The following RIDA variants were observed in gnomAD, a reference collection of about 807,000 sequenced individuals.
RIDA encodes the protein reactive intermediate imine deaminase A.
A neutral mutation model predicts 17.8 loss-of-function variants in RIDA; 17 were observed. The observed-to-expected ratio is 0.96, with a 90% CI of 0.65 to 1.43. The LOEUF (loss-of-function observed/expected upper bound fraction) is 1.43. Among genes scored for constraint, RIDA ranks in the 40% most tolerant of loss-of-function variants. The pLI is 0.00. For synonymous variants in RIDA, 48 were observed against 55.7 expected (o/e 0.86, Z 0.62); for missense variants, 158 against 161.7 (o/e 0.98, Z 0.12).
intron 1 of RIDA, 65 bp from the exon 2 acceptor site, chr8:98,108,816 C>A (rs1554622660): frequency 1.0e-6 from 1 of 956,554 alleles, no homozygotes; most frequent in Non-Finnish European, 1.7e-6. Flanking sequence ...TGCTAGAAGA[C>A]TTTTTTGATA....
At position 98,117,103 on chromosome 8, in the gene RIDA, G is replaced by C; in HGVS notation, c.-7C>G. The C allele has an allele frequency of 6.2e-7, 1 of 1,614,042 alleles. No homozygotes were observed. Among genetic ancestry groups the C allele is most frequent in the South Asian group, 1.1e-5 (1 of 91,090 alleles). On this transcript the variant is annotated 5_prime_UTR_variant, in exon 1 of 6. Coordinates refer to ENST00000254878, the MANE Select transcript of RIDA (RefSeq NM_005836.3). ...TTCTGATCAAGGACGACATGGCTAA[G>C]CCTTCCCTCTTGCAGCCCCTTCAGG...
At chr8:98,115,030 A>G (rs564520105) in intron 1 of RIDA, among the ~76,000 whole-genome samples, 2 of 152,232 alleles carry the variant, frequency 1.3e-5, no homozygotes, top group South Asian at 4.1e-4. Flanking sequence ...TTTTGCACAC[A>G]TCAGTTTCTT....
At position 98,104,529 on chromosome 8, in the gene RIDA, A is replaced by G; in HGVS notation, c.311T>C (p.Phe104Ser). ...EIYKQYFKSN[F>S]PARAAYQVAA... ...AACTTGGTAAGCAGCTCTAGCAGGA[A>G]AATTACTCTTGAAATCTGAATTTAA... Residue 104 changes from phenylalanine (F) to serine (S), a missense_variant, in exon 5 of 6, where the codon TTT (phenylalanine) becomes TCT (serine). Coordinates refer to ENST00000254878, the MANE Select transcript of RIDA (RefSeq NM_005836.3). 2 of 1,588,394 alleles carry G rather than the reference A, an allele frequency of 1.3e-6. No individual in the cohort carries two copies. The highest frequency in any genetic ancestry group is 1.7e-6 in the Non-Finnish European group (2 of 1,157,738).
At chr8:98,109,147 G>C (rs540122671) in intron 1 of RIDA, among the ~76,000 whole-genome samples, 6 of 152,088 alleles carry the variant, frequency 3.9e-5, no homozygotes, top group Non-Finnish European at 8.8e-5. Context: ...TGAGCCATGA[G>C]TATACCACTG....
chr8:98,109,801 G>A (rs1815693614), intron 1 of RIDA, among the ~76,000 whole-genome samples: 1 of 152,064 alleles, frequency 6.6e-6, no homozygotes, highest in Admixed American at 6.6e-5. Context: ...ATTTTTTGTA[G>A]AGATGAGGTC....
rs73701250 is a variant in RIDA at position 98,102,540 on chromosome 8, G to A, written c.*302C>T. 14,894 of 220,866 alleles carry A rather than the reference G, an allele frequency of 0.067. 619 individuals carry two copies. Among genetic ancestry groups the A allele is most frequent in the Middle Eastern group, 0.18 (114 of 624 alleles). The allele number at this position is 220,866 out of a possible 1,614,324, so 13.7% of individuals were successfully genotyped here. A position where few individuals can be genotyped will look rare whatever the true frequency, so the allele number is the denominator to read the frequency against. ...TGTTCTTGATTATTTCTCAGGAATA[G>A]TAACTCTTCTTTCCTACCTGGTATT... On this transcript the variant is annotated 3_prime_UTR_variant, in exon 6 of 6. Coordinates refer to ENST00000254878, the MANE Select transcript of RIDA (RefSeq NM_005836.3).
chr8:98,109,235 C>T (rs1287519687), intron 1 of RIDA, among the ~76,000 whole-genome samples: 1 of 152,002 alleles, frequency 6.6e-6, no homozygotes, highest in Non-Finnish European at 1.5e-5. Context: ...AAAGGCAAGT[C>T]ATAGATTGGG....
intron 1 of RIDA, among the ~76,000 whole-genome samples, chr8:98,111,633 G>T (rs1026556445): frequency 1.0e-4 from 15 of 149,830 alleles, no homozygotes; most frequent in African/African-American, 3.2e-4. Context: ...AGTGAAATTT[G>T]TTTTAAAATT....
chr8:98,116,939 T>A, intron 1 of RIDA, 93 bp downstream of exon 1: 1 of 1,010,182 alleles, frequency 9.9e-7, no homozygotes, highest in Non-Finnish European at 1.5e-6. Flanking sequence ...TTTCCTTGCG[T>A]GTTAGCTGGG....
intron 1 of RIDA, among the ~76,000 whole-genome samples, chr8:98,109,307 T>A (rs760574222): frequency 6.6e-6 from 1 of 151,876 alleles, no homozygotes; most frequent in Non-Finnish European, 1.5e-5. Context: ...TAAGAAGAAC[T>A]CTTAAAAGTC....
intron 1 of RIDA, among the ~76,000 whole-genome samples, chr8:98,112,094 AT>A (rs897677730): frequency 2.0e-5 from 3 of 151,370 alleles, no homozygotes; most frequent in South Asian, 2.1e-4. Context: ...GTGCTTCCTC[AT>A]TTTTTTTAAC....
At chr8:98,104,260 T>G (rs1188016283) in intron 5 of RIDA, among the ~76,000 whole-genome samples, 2 of 152,050 alleles carry the variant, frequency 1.3e-5, no homozygotes, top group Non-Finnish European at 2.9e-5. Context: ...AATTTTAAAT[T>G]GTTTTTGTAG....
Position 98,115,554 on chromosome 8 carries a change from C to CT in RIDA, c.65+1477dup, listed in dbSNP as rs61291894. On this transcript the variant is annotated intron_variant, in intron 1 of 5. Coordinates refer to ENST00000254878, the MANE Select transcript of RIDA (RefSeq NM_005836.3). The stretch of plus-strand genomic sequence containing the variant: ...CATCACTTGAAAGTTTTTAATTAAA[C>CT]TTTTTTTTTTTTTTAAATAGAGATG... Among the ~76,000 whole-genome samples the CT allele has an allele frequency of 4.1e-3, 605 of 147,262 alleles. 4 individuals are homozygous for CT. The highest frequency in any genetic ancestry group is 0.013 in the African/African-American group (509 of 39,948).
chr8:98,113,916 T>TCAGAA (rs2130557011), intron 1 of RIDA: 1 of 152,348 alleles, frequency 6.6e-6, no homozygotes, highest in South Asian at 2.1e-4. Context: ...CTCACTTTCT[T>TCAGAA]TACCTCCAAA....
In RIDA at chr8:98,106,008, T is replaced by A; in HGVS notation, c.227-2A>T. 6.3e-7 allele frequency: 1 copy of A among 1,591,724 alleles called. No individual in the cohort carries two copies. Among genetic ancestry groups the A allele is most frequent in the Non-Finnish European group, 8.6e-7 (1 of 1,159,900 alleles). Reference sequence around the variant, plus strand: ...CCAGAAGAACAGTTGTTTTCACCACTAGAAGATATAAACATTGTCATTAGG... The same window carrying A: ...CCAGAAGAACAGTTGTTTTCACCACAAGAAGATATAAACATTGTCATTAGG... On this transcript the variant is annotated splice_acceptor_variant, in intron 3 of 5. Transcript: ENST00000254878. LOFTEE classifies it high-confidence loss of function.
At chr8:98,103,300 G>A (rs1375443960) in intron 5 of RIDA, among the ~76,000 whole-genome samples, 1 of 152,166 alleles carries the variant, frequency 6.6e-6, no homozygotes, top group African/African-American at 2.4e-5. Flanking sequence ...GTTTGATAAT[G>A]ATCATTCCAA....
At chr8:98,110,104 C>T (rs1815702950) in intron 1 of RIDA, among the ~76,000 whole-genome samples, 1 of 152,172 alleles carries the variant, frequency 6.6e-6, no homozygotes, top group Non-Finnish European at 1.5e-5. Context: ...AAAATAGCAG[C>T]AGCAGATTAT....
intron 1 of RIDA, among the ~76,000 whole-genome samples, chr8:98,109,023 T>C (rs1181399829): frequency 6.6e-6 from 1 of 151,886 alleles, no homozygotes; most frequent in Non-Finnish European, 1.5e-5. Context: ...AACCACTCAG[T>C]CTCTACAAAA....
At chr8:98,111,020 C>G (rs113723680) in intron 1 of RIDA, among the ~76,000 whole-genome samples, 3,317 of 152,282 alleles carry the variant, frequency 0.022, 52 homozygotes, top group Middle Eastern at 0.088. Context: ...AACAGTGAGT[C>G]AATTAAGCCT....
Sources: allele counts gnomAD v4.1 joint callset (sites outside exome capture counted in the v4.1 genomes callset), GRCh38; gene constraint gnomAD v4.1.1; transcripts MANE v1.5; gene names NCBI Gene and HGNC (gene_info 2026-07-23, HGNC 2026-07-21).